Variants in BMAL2 observed in about 807,000 individuals in gnomAD.
BMAL2 encodes the protein basic helix-loop-helix ARNT like 2, also known as basic helix-loop-helix ARNT-like protein 2.
At chr12:27,337,344 C>CT in the BMAL2 span, among the ~76,000 whole-genome samples, 1 of 152,174 alleles carries the variant, frequency 6.6e-6, no homozygotes, top group African/African-American at 2.4e-5. Context: ...TAGAAATATA[C>CT]TTTATCATAT....
At chr12:27,388,444 A>G in the BMAL2 span, among the ~76,000 whole-genome samples, 2 of 152,130 alleles carry the variant, frequency 1.3e-5, no homozygotes, top group Non-Finnish European at 2.9e-5. Context: ...TTGCTTGGGT[A>G]ATACAGGAAT....
the BMAL2 span, chr12:27,380,504 C>T: frequency 4.7e-6 from 6 of 1,270,064 alleles, no homozygotes; most frequent in Non-Finnish European, 6.7e-6. Context: ...GAGGTTCTAT[C>T]CAGATGTGTC....
At chr12:27,351,786 T>G in the BMAL2 span, among the ~76,000 whole-genome samples, 414 of 151,264 alleles carry the variant, frequency 2.7e-3, 3 homozygotes, top group Non-Finnish European at 4.7e-3. Context: ...TTCAGTGGTG[T>G]GGCATGCCCA....
chr12:27,405,689 G>A, the BMAL2 span, among the ~76,000 whole-genome samples: 97 of 152,246 alleles, frequency 6.4e-4, no homozygotes, highest in African/African-American at 2.0e-3. Flanking sequence ...AAATCAGAGC[G>A]CCTTTCCTCC....
At chr12:27,370,603 G>GT in the BMAL2 span, among the ~76,000 whole-genome samples, 1 of 151,566 alleles carries the variant, frequency 6.6e-6, no homozygotes, top group African/African-American at 2.4e-5. Flanking sequence ...GTTCTTTTTT[G>GT]TTTTTTGTTT....
At chr12:27,387,343 T>C in the BMAL2 span, 1 of 1,473,020 alleles carries the variant, frequency 6.8e-7, no homozygotes, top group East Asian at 2.3e-5. Flanking sequence ...GAGGATATTT[T>C]CCATACAATG....
chr12:27,380,532 T>C, the BMAL2 span: 1 of 979,796 alleles, frequency 1.0e-6, no homozygotes, highest in Non-Finnish European at 1.5e-6. Flanking sequence ...TTTAGAGGTA[T>C]TCACTGGCAT....
the BMAL2 span, among the ~76,000 whole-genome samples, chr12:27,375,858 C>A: frequency 0.069 from 10,515 of 152,162 alleles, 480 homozygotes; most frequent in Non-Finnish European, 0.1. Context: ...GTAAGAGTTT[C>A]CAGTTTTCAA....
the BMAL2 span, among the ~76,000 whole-genome samples, chr12:27,398,881 C>T: frequency 1.3e-5 from 2 of 152,160 alleles, no homozygotes; most frequent in African/African-American, 4.8e-5. Flanking sequence ...TTATTTTTAA[C>T]TGCCATCTAG....
chr12:27,381,201 G>A, the BMAL2 span, among the ~76,000 whole-genome samples: 2 of 152,120 alleles, frequency 1.3e-5, no homozygotes, highest in African/African-American at 4.8e-5. Context: ...TGGTGTGTGG[G>A]TGATCATTTC....
the BMAL2 span, among the ~76,000 whole-genome samples, chr12:27,350,392 G>A: frequency 2.0e-5 from 3 of 152,196 alleles, no homozygotes; most frequent in Admixed American, 6.5e-5. Context: ...TTTGCCAGGA[G>A]ATCTCTCTTC....
the BMAL2 span, among the ~76,000 whole-genome samples, chr12:27,367,984 A>G: frequency 6.6e-6 from 1 of 151,592 alleles, no homozygotes; most frequent in East Asian, 1.9e-4. Flanking sequence ...AGCTGGGATT[A>G]CAGATGCCCA....
the BMAL2 span, chr12:27,376,324 AT>A: frequency 6.2e-7 from 1 of 1,609,424 alleles, no homozygotes; most frequent in Non-Finnish European, 8.5e-7. Flanking sequence ...GTAGTTTGAT[AT>A]TTTATCCTGC....
At chr12:27,396,925 A>T in the BMAL2 span, among the ~76,000 whole-genome samples, 378 of 152,256 alleles carry the variant, frequency 2.5e-3, 1 homozygote, top group Non-Finnish European at 4.5e-3. Flanking sequence ...GACCTGCTTG[A>T]GGGTCATTTT....
chr12:27,341,850 A>G, the BMAL2 span, among the ~76,000 whole-genome samples: 1 of 152,238 alleles, frequency 6.6e-6, no homozygotes, highest in Non-Finnish European at 1.5e-5. Flanking sequence ...CTGTGTCTGA[A>G]CATACTCCTA....
At chr12:27,369,862 C>G in the BMAL2 span, among the ~76,000 whole-genome samples, 1 of 152,142 alleles carries the variant, frequency 6.6e-6, no homozygotes, top group Non-Finnish European at 1.5e-5. Flanking sequence ...ATTTTTTTGT[C>G]AGCAAGCAAC....
the BMAL2 span, among the ~76,000 whole-genome samples, chr12:27,351,965 T>A: frequency 6.6e-6 from 1 of 152,196 alleles, no homozygotes; most frequent in African/African-American, 2.4e-5. Flanking sequence ...TACTATTTCA[T>A]AAGTAATTTG....
the BMAL2 span, among the ~76,000 whole-genome samples, chr12:27,354,833 T>C: frequency 6.6e-5 from 10 of 152,320 alleles, no homozygotes; most frequent in East Asian, 9.6e-4. Flanking sequence ...ACTAGAAATA[T>C]ATGAAATTAT....
At chr12:27,333,040 C>G in the BMAL2 span, 15 of 1,195,326 alleles carry the variant, frequency 1.3e-5, no homozygotes, top group Non-Finnish European at 1.6e-5. Context: ...CTGCCAGCCG[C>G]GGGGCTGCGG....
Sources: gnomAD v4.1 joint callset for allele counts (sites outside exome capture counted in the v4.1 genomes callset) on GRCh38, gnomAD v4.1.1 for gene constraint, MANE v1.5 for transcripts, NCBI Gene and HGNC (gene_info 2026-07-23, HGNC 2026-07-21) for gene names.